RPL24: variants seen among roughly 807,000 people sequenced by gnomAD.
The protein encoded by RPL24 is large ribosomal subunit protein eL24.
Under a neutral mutation model 26.4 loss-of-function variants are expected in RPL24, and 7 were observed. The observed-to-expected ratio is 0.27, with a 90% CI of 0.15 to 0.50. The LOEUF is 0.50. Ranked by LOEUF, RPL24 falls within the 20% of genes least tolerant of loss-of-function variation. RPL24 has a pLI of 0.98. For missense variants in RPL24, 109 were observed against 194.9 expected, an observed-to-expected ratio of 0.56 and a Z score of 2.62; for synonymous variants, 67 against 65.2, an observed-to-expected ratio of 1.03 and a Z score of -0.13.
chr3:101,686,630 C>T, intron 1 of RPL24, 42 bp downstream of exon 1: 1 of 1,614,194 alleles, frequency 6.2e-7, no homozygotes, highest in African/African-American at 1.3e-5. Context: ...AGGAGTTCTG[C>T]CCGAGGATGT....
chr3:101,686,066 G>C, intron 2 of RPL24, 138 bp from the exon 3 acceptor site: 1 of 618,732 alleles, frequency 1.6e-6, no homozygotes, highest in Non-Finnish European at 2.9e-6. Context: ...AGGACCAAAA[G>C]GCTGTCACAT....
intron 3 of RPL24, 43 bp from the exon 4 acceptor site, chr3:101,682,950 A>G (rs747665276): frequency 6.2e-5 from 98 of 1,575,574 alleles, no homozygotes; most frequent in Non-Finnish European, 8.3e-5. Flanking sequence ...ACCTTCCTTC[A>G]AGAATTTAGA....
intron 5 of RPL24, 44 bp from the exon 6 acceptor site, chr3:101,681,259 C>T (rs1450330526): frequency 3.0e-6 from 4 of 1,332,768 alleles, no homozygotes; most frequent in Non-Finnish European, 4.3e-6. Flanking sequence ...ACTTTTGTTA[C>T]CCTATTATTA....
intron 3 of RPL24, among the ~76,000 whole-genome samples, chr3:101,683,234 A>C (rs1381334346): frequency 6.6e-6 from 1 of 152,202 alleles, no homozygotes; most frequent in Non-Finnish European, 1.5e-5. Context: ...TATCATATTC[A>C]GCTTTTTTAA....
At chr3:101,682,694 G>C in intron 4 of RPL24, 77 bp downstream of exon 4, 3 of 1,401,338 alleles carry the variant, frequency 2.1e-6, no homozygotes, top group East Asian at 2.3e-5. Flanking sequence ...AATCTATATG[G>C]TAACTTTAAT....
intron 5 of RPL24, 73 bp downstream of exon 5, chr3:101,682,356 G>A (rs369317215): frequency 8.4e-7 from 1 of 1,192,470 alleles, no homozygotes; most frequent in Non-Finnish European, 1.3e-6. Flanking sequence ...GGGCAACAGA[G>A]CAAGACTCCG....
intron 5 of RPL24, 35 bp from the exon 6 acceptor site, chr3:101,681,250 C>T: frequency 6.9e-7 from 1 of 1,442,366 alleles, no homozygotes; most frequent in Non-Finnish European, 9.8e-7. Context: ...CTCCACAAAA[C>T]TTTTGTTACC....
At chr3:101,683,372 CT>C (rs1208878108) in intron 3 of RPL24, among the ~76,000 whole-genome samples, 1 of 152,170 alleles carries the variant, frequency 6.6e-6, no homozygotes, top group East Asian at 1.9e-4. Flanking sequence ...TACTGGAAAT[CT>C]ATACTACAGT....
chr3:101,683,109 C>A (rs1358150453), intron 3 of RPL24, among the ~76,000 whole-genome samples: 1 of 152,026 alleles, frequency 6.6e-6, no homozygotes, highest in Non-Finnish European at 1.5e-5. Flanking sequence ...TTTTTTACTA[C>A]CTTAAAAAGA....
rs531071206 is a variant in RPL24 at position 101,682,701 on chromosome 3, T to G, written c.329+70A>C. On this transcript the variant is annotated intron_variant, in intron 4 of 5. Transcript: ENST00000394077. ...CATATATTAATCTATATGGTAACTT[T>G]AATTACTGAAGACCCAAACCTAAAA... 5 of 1,467,682 alleles carry G rather than the reference T, an allele frequency of 3.4e-6. No individual in the cohort carries two copies. In the South Asian group the frequency reaches 5.9e-5, roughly 17 times the overall value. The allele number at this position is 1,467,682 out of a possible 1,614,324, so 90.9% of individuals were successfully genotyped here. A position where few individuals can be genotyped will look rare whatever the true frequency, so the allele number is the denominator to read the frequency against.
intron 3 of RPL24, among the ~76,000 whole-genome samples, chr3:101,684,600 A>G (rs1182922925): frequency 6.6e-6 from 1 of 151,952 alleles, no homozygotes. Flanking sequence ...GCAACATCGC[A>G]AAGATTTCTG....
chr3:101,684,776 C>CAAAAAAAAAAAAAAAAAAAAAAAAAAA lies in RPL24; in HGVS notation c.192+1015_192+1041dup, dbSNP rs57278210. Reference sequence around the variant, plus strand: ...CTGAGCAACAGAGGACCTGTCTCCCCAAAAAAAAAAAAAAAAAAAAAAAAA... The same window carrying CAAAAAAAAAAAAAAAAAAAAAAAAAAA: ...CTGAGCAACAGAGGACCTGTCTCCCCAAAAAAAAAAAAAAAAAAAAAAAAAAAAAAAAAAAAAAAAAAAAAAAAAAAA... On this transcript the variant is annotated intron_variant, in intron 3 of 5. Coordinates refer to ENST00000394077, the MANE Select transcript of RPL24 (RefSeq NM_000986.4). Among the ~76,000 whole-genome samples, 27 of 53,212 alleles carry CAAAAAAAAAAAAAAAAAAAAAAAAAAA rather than the reference C, an allele frequency of 5.1e-4. 2 individuals are homozygous for CAAAAAAAAAAAAAAAAAAAAAAAAAAA. Among genetic ancestry groups the CAAAAAAAAAAAAAAAAAAAAAAAAAAA allele is most frequent in the Non-Finnish European group, 7.3e-4 (23 of 31,348 alleles). 34.9% of individuals were successfully genotyped at this position (53,212 alleles called of 152,430 possible).
At position 101,686,543 on chromosome 3, in the gene RPL24, C is replaced by T; in HGVS notation, c.20G>A (p.Ser7Asn). 6.2e-7 allele frequency: 1 copy of T among 1,614,162 alleles called. No individual in the cohort carries two copies. Among genetic ancestry groups the T allele is most frequent in the Non-Finnish European group, 8.5e-7 (1 of 1,180,026 alleles). MKVELC[S>N]FSGYKIYPGH... is the part of the protein sequence containing the mutation. Reference sequence around the variant, plus strand: ...GGGGTAGATCTTGTACCCGCTAAAACTGCACAGCTCGACCCTGCAACAAAA... The same window carrying T: ...GGGGTAGATCTTGTACCCGCTAAAATTGCACAGCTCGACCCTGCAACAAAA... Residue 7 changes from serine (S) to asparagine (N), a missense_variant, in exon 2 of 6, where the codon AGT becomes AAT. Around this residue, in one of 3 missense-constraint regions of RPL24, gnomAD observed 69 missense variants for 96.2 expected, o/e 0.72. Transcript: ENST00000394077.
At chr3:101,685,351 A>T (rs941875352) in intron 3 of RPL24, among the ~76,000 whole-genome samples, 4 of 152,228 alleles carry the variant, frequency 2.6e-5, no homozygotes, top group African/African-American at 7.2e-5. Flanking sequence ...CCTGAATACT[A>T]GTCCTACCAT....
intron 2 of RPL24, 49 bp from the exon 3 acceptor site, chr3:101,685,977 AGAG>A (rs1322765635): frequency 1.7e-6 from 2 of 1,199,784 alleles, no homozygotes; most frequent in East Asian, 4.7e-5. Context: ...ACAAAGTACA[AGAG>A]GCTGAGTAAG....
intron 3 of RPL24, among the ~76,000 whole-genome samples, chr3:101,683,868 C>A (rs964751959): frequency 3.3e-5 from 5 of 151,884 alleles, no homozygotes; most frequent in Non-Finnish European, 7.4e-5. Flanking sequence ...ACCGCCACCA[C>A]GCCCGGCTAA....
At chr3:101,682,196 A>G in intron 5 of RPL24, 1 of 475,760 alleles carries the variant, frequency 2.1e-6, no homozygotes, top group Non-Finnish European at 3.8e-6. Flanking sequence ...TACTTAAACA[A>G]ACAAACAAAC....
At chr3:101,686,129 T>C (rs1293115345) in intron 2 of RPL24, 1 of 578,590 alleles carries the variant, frequency 1.7e-6, no homozygotes, top group Admixed American at 3.1e-5. Flanking sequence ...TAGTCTTTTC[T>C]CGAGAGCAGG....
At chr3:101,682,245 A>G in intron 5 of RPL24, 184 bp downstream of exon 5, 1 of 602,588 alleles carries the variant, frequency 1.7e-6, no homozygotes, top group Non-Finnish European at 3.0e-6. Context: ...GCGCACCTGT[A>G]CTCCCAGCTA....
Sources: gnomAD v4.1 joint callset for allele counts (sites outside exome capture counted in the v4.1 genomes callset) on GRCh38, gnomAD v4.1.1 for gene constraint, gnomAD v4.1.1 regional missense constraint, MANE v1.5 for transcripts, NCBI Gene and HGNC (gene_info 2026-07-23, HGNC 2026-07-21) for gene names.